DLG2: variants seen among roughly 807,000 people sequenced by gnomAD.
DLG2 encodes disks large homolog 2.
In DLG2, 45 loss-of-function variants were observed where a neutral mutation model predicts 132.5. The ratio of observed to expected loss-of-function variants is 0.34; its 90% CI spans 0.27 to 0.44. The LOEUF (loss-of-function observed/expected upper bound fraction) is 0.44, where lower values mean the gene tolerates loss of function less well. DLG2 is among the 20% of genes least tolerant of loss of function. DLG2 has a pLI of 1.00. For missense variants in DLG2, 1,045 were observed against 1,196.9 expected (o/e 0.87, Z 1.87); for synonymous variants, 424 against 419.6 (o/e 1.01, Z -0.13).
At position 83,689,945 on chromosome 11, in the gene DLG2, TTA is replaced by T. The variant is rs986426508; in HGVS notation, c.1826-56622_1826-56621del. Reference sequence around the variant, plus strand: ...TATTTACATAAATATATAATATATATTATATATATTTATATAATATATATTTA... The same window carrying T: ...TATTTACATAAATATATAATATATATTATATATTTATATAATATATATTTA... On this transcript the variant is annotated intron_variant, in intron 18 of 27. Transcript: ENST00000376104. Among the ~76,000 whole-genome samples the T allele has an allele frequency of 2.2e-4, 30 of 138,996 alleles. No homozygotes were observed. The East Asian group carries it at 2.4e-3, about 11-fold the overall frequency. 91.2% of individuals were successfully genotyped at this position (138,996 alleles called of 152,430 possible). A position where few individuals can be genotyped will look rare whatever the true frequency, so the allele number is the denominator to read the frequency against.
chr11:84,014,713 C>T (rs537007669), intron 11 of DLG2, among the ~76,000 whole-genome samples: 13 of 152,268 alleles, frequency 8.5e-5, no homozygotes, highest in African/African-American at 3.1e-4. Context: ...AGGAAGAGGG[C>T]ATTCCAATCC....
intron 3 of DLG2, among the ~76,000 whole-genome samples, chr11:85,466,609 C>A (rs1317172244): frequency 6.6e-6 from 1 of 152,142 alleles, no homozygotes; most frequent in Non-Finnish European, 1.5e-5. Context: ...TGTCAAAGAT[C>A]AGATCGTTGT....
intron 9 of DLG2, among the ~76,000 whole-genome samples, chr11:84,135,605 C>A (rs1268331021): frequency 6.6e-6 from 1 of 151,982 alleles, no homozygotes; most frequent in Non-Finnish European, 1.5e-5. Flanking sequence ...TGGAGAAGGG[C>A]ATTTGCAGAA....
intron 18 of DLG2, among the ~76,000 whole-genome samples, chr11:83,780,318 C>T (rs754084856): frequency 7.2e-5 from 11 of 152,194 alleles, no homozygotes; most frequent in East Asian, 5.8e-4. Context: ...AGAAATGCAC[C>T]GTGGTGTCCA....
intron 18 of DLG2, among the ~76,000 whole-genome samples, chr11:83,701,283 T>G (rs968651375): frequency 6.6e-6 from 1 of 152,128 alleles, no homozygotes; most frequent in African/African-American, 2.4e-5. Flanking sequence ...TTCCCATCAA[T>G]AAAATTAGGA....
chr11:84,801,959 C>T (rs1286276249), intron 6 of DLG2, among the ~76,000 whole-genome samples: 1 of 152,076 alleles, frequency 6.6e-6, no homozygotes, highest in African/African-American at 2.4e-5. Context: ...CTGTACAGGG[C>T]ACATTTCTAA....
chr11:84,973,595 A>C (rs960441322), intron 6 of DLG2, among the ~76,000 whole-genome samples: 5 of 152,206 alleles, frequency 3.3e-5, no homozygotes, highest in Admixed American at 6.5e-5. Context: ...ATTCACATTG[A>C]TACAAAATGA....
chr11:85,161,625 T>G (rs1168684573), intron 4 of DLG2, among the ~76,000 whole-genome samples: 1 of 152,200 alleles, frequency 6.6e-6, no homozygotes, highest in East Asian at 1.9e-4. Flanking sequence ...GTCATGGTAT[T>G]CCATATAGCA....
chr11:83,497,539 AC>A (rs61482790), intron 21 of DLG2, among the ~76,000 whole-genome samples: 41,863 of 147,938 alleles, frequency 0.28, 6,150 homozygotes, highest in East Asian at 0.35. Flanking sequence ...CGTCTCAAAA[AC>A]AAAAAACAAA....
intron 6 of DLG2, among the ~76,000 whole-genome samples, chr11:85,060,445 G>A (rs1403643771): frequency 4.7e-5 from 7 of 148,366 alleles, no homozygotes; most frequent in Non-Finnish European, 9.0e-5. Context: ...ATATATACAC[G>A]CATATGCATA....
intron 6 of DLG2, chr11:84,720,479 C>G (rs892850806): frequency 1.0e-6 from 1 of 985,128 alleles, no homozygotes; most frequent in Non-Finnish European, 1.2e-6. Flanking sequence ...CAGCCTAGAC[C>G]GAGCTGCCGC....
chr11:84,479,031 A>G (rs1382521987), intron 7 of DLG2, among the ~76,000 whole-genome samples: 1 of 152,126 alleles, frequency 6.6e-6, no homozygotes, highest in Non-Finnish European at 1.5e-5. Context: ...AATAAGAACC[A>G]TGGTACATAA....
chr11:84,204,460 A>G (rs1227149809), intron 8 of DLG2, among the ~76,000 whole-genome samples: 1 of 152,178 alleles, frequency 6.6e-6, no homozygotes, highest in Non-Finnish European at 1.5e-5. Flanking sequence ...TACAAGAAAA[A>G]TTTTCAATAC....
chr11:84,558,857 C>G (rs1239140132), intron 6 of DLG2, among the ~76,000 whole-genome samples: 1 of 152,110 alleles, frequency 6.6e-6, no homozygotes, highest in Admixed American at 6.6e-5. Flanking sequence ...AAATTTGAGT[C>G]TCAGCTTCAA....
At chr11:83,858,666 C>A (rs1002098795) in intron 16 of DLG2, among the ~76,000 whole-genome samples, 14 of 152,258 alleles carry the variant, frequency 9.2e-5, no homozygotes, top group Admixed American at 5.9e-4. Context: ...TAAAGCAGCT[C>A]TCCATAGTGA....
rs2078206945 is a variant in DLG2, at chr11:85,577,183, T to G, written c.40+21474A>C. On this transcript the variant is annotated intron_variant, in intron 3 of 27. Transcript: ENST00000376104. Reference sequence around the variant, plus strand: ...AGATAAACTAACTTTTGCTTTAAAATATCACTCTGTATGCTATGCAGAGAA... The same window carrying G: ...AGATAAACTAACTTTTGCTTTAAAAGATCACTCTGTATGCTATGCAGAGAA... Among the ~76,000 whole-genome samples the G allele has an allele frequency of 2.0e-5, 3 of 152,110 alleles. No individual in the cohort carries two copies. The South Asian group carries it at 6.2e-4, about 32-fold the overall frequency.
At chr11:84,306,135 G>A (rs955269267) in intron 7 of DLG2, among the ~76,000 whole-genome samples, 9 of 149,272 alleles carry the variant, frequency 6.0e-5, no homozygotes, top group East Asian at 2.0e-4. Flanking sequence ...GATTTCACAC[G>A]TTTTTTTCAC....
intron 8 of DLG2, among the ~76,000 whole-genome samples, chr11:84,218,390 G>C (rs867848137): frequency 8.3e-6 from 1 of 120,726 alleles, no homozygotes. Context: ...GGGAGGGAGG[G>C]AGGGAGGGAG....
At chr11:85,063,644 C>T (rs1180709779) in intron 6 of DLG2, among the ~76,000 whole-genome samples, 3 of 151,844 alleles carry the variant, frequency 2.0e-5, no homozygotes, top group African/African-American at 7.3e-5. Context: ...TAGAAATGTG[C>T]TGTATTTCCC....
Sources: gnomAD v4.1 joint callset for allele counts (sites outside exome capture counted in the v4.1 genomes callset) on GRCh38, gnomAD v4.1.1 for gene constraint, MANE v1.5 for transcripts, NCBI Gene and HGNC (gene_info 2026-07-23, HGNC 2026-07-21) for gene names.